Variants in ZNF527 observed in about 807,000 individuals in gnomAD.
The protein encoded by ZNF527 is zinc finger protein 527.
A neutral mutation model predicts 13.5 loss-of-function variants in ZNF527; 5 were observed. The observed-to-expected ratio is 0.37, with a 90% CI of 0.19 to 0.78. The LOEUF (loss-of-function observed/expected upper bound fraction) is 0.78, where lower values mean the gene tolerates loss of function less well. Among genes scored for constraint, ZNF527 ranks in the 30% least tolerant of loss-of-function variants. The pLI is 0.48. For synonymous variants in ZNF527, 209 were observed against 243.1 expected, an observed-to-expected ratio of 0.86 and a Z score of 1.30; for missense variants, 628 against 726.4, an observed-to-expected ratio of 0.86 and a Z score of 1.56.
chr19:37,386,058 T>C (rs1327623023), intron 4 of ZNF527, among the ~76,000 whole-genome samples: 1 of 151,686 alleles, frequency 6.6e-6, no homozygotes, highest in Non-Finnish European at 1.5e-5. Context: ...TGTTGTTTCC[T>C]CGTTTACCAT....
In ZNF527 at chr19:37,375,303, TTTC is replaced by T. The variant is rs1289375751; in HGVS notation, c.33+1075_33+1077del. 3.0e-3 allele frequency among the ~76,000 whole-genome samples: 316 copies of T among 104,502 alleles called. 1 individual carries two copies. Among genetic ancestry groups the T allele is most frequent in the African/African-American group, 4.4e-3 (93 of 20,976 alleles). 68.6% of individuals were successfully genotyped at this position (104,502 alleles called of 152,430 possible). A position where few individuals can be genotyped will look rare whatever the true frequency, so the allele number is the denominator to read the frequency against. On this transcript the variant is annotated intron_variant, in intron 2 of 4. Coordinates refer to ENST00000436120, the MANE Select transcript of ZNF527 (RefSeq NM_032453.2). ...CTTTCTTTCTTTCTTTCTTTCTTTC[TTTC>T]TTTCTTTTCTTTCTTTCTTTCTTTC...
rs4452075 is a variant in ZNF527 at position 37,388,687 on chromosome 19, A to G, written c.638A>G (p.His213Arg). 0.2 allele frequency: 315,597 copies of G among 1,611,120 alleles called. 36,821 individuals carry two copies. The highest frequency in any genetic ancestry group is 0.49 in the African/African-American group (36,210 of 74,654). The change falls in exon 5 of 5, where the codon CAT (histidine) becomes CGT (arginine). Residue 213 changes from histidine (H) to arginine (R), a missense_variant. This residue lies in a region of ZNF527 where 592 missense variants were observed against 678.0 expected (regional missense o/e 0.87). Coordinates refer to ENST00000436120, the MANE Select transcript of ZNF527 (RefSeq NM_032453.2). Reference protein sequence around the residue: ...NSVIIEYKRLHAEKESLIGNE... With the variant: ...NSVIIEYKRLRAEKESLIGNE... ...GTCATAATTGAATATAAAAGACTCC[A>G]TGCTGAGAAGGAATCTTTGATAGGT...
At position 37,389,118 on chromosome 19, in the gene ZNF527, C is replaced by T. The variant is rs1402025174; in HGVS notation, c.1069C>T (p.Pro357Ser). The T allele has an allele frequency of 1.2e-6, 2 of 1,614,054 alleles. No individual in the cohort carries two copies. Among genetic ancestry groups the T allele is most frequent in the African/African-American group, 2.7e-5 (2 of 74,916 alleles). The change falls in exon 5 of 5, where the codon CCG becomes TCG. Residue 357 changes from proline (P) to serine (S), a missense_variant. Coordinates refer to ENST00000436120, the MANE Select transcript of ZNF527 (RefSeq NM_032453.2). The stretch of plus-strand genomic sequence containing the variant: ...TCAGAGGATCCACACTGGAGAGAAA[C>T]CGTTTGCGTGCAATGAATGTGGGAA... ...QHQRIHTGEK[P>S]FACNECGKAF...
Position 37,388,503 on chromosome 19 carries a change from G to T in ZNF527, c.454G>T (p.Ala152Ser). The change falls in exon 5 of 5, where the codon GCT (alanine) becomes TCT (serine). Residue 152 changes from alanine to serine, a missense_variant. By Grantham distance (99) the Ala-to-Ser change is moderately conservative (BLOSUM62 1). This residue lies in a region of ZNF527 where 592 missense variants were observed against 678.0 expected (regional missense o/e 0.87). Coordinates refer to ENST00000436120, the MANE Select transcript of ZNF527 (RefSeq NM_032453.2). ...NAERHFMQVT[A>S]VKEISTGKRD... ...GGAGAGGCATTTCATGCAAGTGACA[G>T]CTGTTAAGGAAATCTCTACTGGGAA... 1 of 1,614,150 alleles carries T rather than the reference G, an allele frequency of 6.2e-7. No individual in the cohort carries two copies. The highest frequency in any genetic ancestry group is 8.5e-7 in the Non-Finnish European group (1 of 1,180,006).
chr19:37,392,295 G>A lies in ZNF527; in HGVS notation c.*2416G>A, dbSNP rs371846643. On this transcript the variant is annotated 3_prime_UTR_variant, in exon 5 of 5. Transcript: ENST00000436120. ...ACTGAGTAATAATTTATTTCAGAAA[G>A]TTTCAGAAGGTTACAGTAAACTTTA... The A allele has an allele frequency of 7.2e-5, 11 of 152,070 alleles. No individual in the cohort carries two copies. In the East Asian group the frequency reaches 7.7e-4, roughly 11 times the overall value. The allele number at this position is 152,070 out of a possible 1,614,324, so 9.4% of individuals were successfully genotyped here.
At position 37,389,996 on chromosome 19, in the gene ZNF527, T is replaced by A. The variant is rs1378430724; in HGVS notation, c.*117T>A. 1 of 1,339,222 alleles carries A rather than the reference T, an allele frequency of 7.5e-7. No individual in the cohort carries two copies. The highest frequency in any genetic ancestry group is 1.0e-6 in the Non-Finnish European group (1 of 997,028). The allele number at this position is 1,339,222 out of a possible 1,614,324, so 83.0% of individuals were successfully genotyped here. On this transcript the variant is annotated 3_prime_UTR_variant, in exon 5 of 5. Transcript: ENST00000436120. ...TAGTTCATATTTCAGTTCATGAGTA[T>A]CCGTTATTTGAAGTAGCTCAGTAGT...
chr19:37,372,375 T>C (rs1425250720), intron 1 of ZNF527, among the ~76,000 whole-genome samples: 2 of 151,644 alleles, frequency 1.3e-5, no homozygotes, highest in African/African-American at 4.8e-5. Context: ...TAGTGCAAAG[T>C]AGTCCAGAAT....
At position 37,389,985 on chromosome 19, in the gene ZNF527, G is replaced by A; in HGVS notation, c.*106G>A. On this transcript the variant is annotated 3_prime_UTR_variant, in exon 5 of 5. Transcript: ENST00000436120. The stretch of plus-strand genomic sequence containing the variant: ...TTCTTTGAATGTAGTTCATATTTCA[G>A]TTCATGAGTATCCGTTATTTGAAGT... The A allele has an allele frequency of 7.3e-7, 1 of 1,378,226 alleles. No homozygotes were observed. Among genetic ancestry groups the A allele is most frequent in the Non-Finnish European group, 9.7e-7 (1 of 1,031,650 alleles). The allele number at this position is 1,378,226 out of a possible 1,614,324, so 85.4% of individuals were successfully genotyped here.
chr19:37,378,541 C>G (rs532053775), intron 2 of ZNF527, among the ~76,000 whole-genome samples: 2 of 152,312 alleles, frequency 1.3e-5, no homozygotes, highest in East Asian at 3.9e-4. Flanking sequence ...ACAAATCTCT[C>G]TCCCTTCACT....
At chr19:37,386,533 A>T (rs2040701148) in intron 4 of ZNF527, among the ~76,000 whole-genome samples, 3 of 152,182 alleles carry the variant, frequency 2.0e-5, no homozygotes, top group Admixed American at 2.0e-4. Context: ...GAGTGCATAA[A>T]ATGTGGCTAG....
Position 37,389,369 on chromosome 19 carries a change from A to G in ZNF527, c.1320A>G (p.Lys440=), listed in dbSNP as rs1351103438. ...TLHQRIHTGE[K]PFKCSECGKT... is the part of the protein sequence containing the mutation. ...ATCAAAGAATTCACACAGGAGAGAAACCCTTCAAATGTAGTGAATGTGGGA... is the reference window on the plus strand; with the variant it reads ...ATCAAAGAATTCACACAGGAGAGAAGCCCTTCAAATGTAGTGAATGTGGGA... The change falls in exon 5 of 5, where the codon AAA becomes AAG. Residue 440 remains lysine (K), a synonymous_variant. Coordinates refer to ENST00000436120, the MANE Select transcript of ZNF527 (RefSeq NM_032453.2). 2 of 1,614,220 alleles carry G rather than the reference A, an allele frequency of 1.2e-6. No individual in the cohort carries two copies. The highest frequency in any genetic ancestry group is 1.7e-6 in the Non-Finnish European group (2 of 1,180,034).
In ZNF527 at chr19:37,391,787, A is replaced by T. The variant is rs774755072; in HGVS notation, c.*1908A>T. 1 of 152,104 alleles carries T rather than the reference A, an allele frequency of 6.6e-6. No homozygotes were observed. The highest frequency in any genetic ancestry group is 1.5e-5 in the Non-Finnish European group (1 of 68,014). The allele number at this position is 152,104 out of a possible 1,614,324, so 9.4% of individuals were successfully genotyped here. A position where few individuals can be genotyped will look rare whatever the true frequency, so the allele number is the denominator to read the frequency against. On this transcript the variant is annotated 3_prime_UTR_variant, in exon 5 of 5. Transcript: ENST00000436120. ...TTATTGGGAGTAATGAGGAAGATGAAGGTGTAGGGCAATACGTTTCTTTTT... is the reference window on the plus strand; with the variant it reads ...TTATTGGGAGTAATGAGGAAGATGATGGTGTAGGGCAATACGTTTCTTTTT...
intron 2 of ZNF527, among the ~76,000 whole-genome samples, chr19:37,375,311 T>TTTCTTTCTTTCTTTTCTTTCTTTCTTTC (rs760003304): frequency 1.3e-5 from 1 of 79,794 alleles, no homozygotes; most frequent in Admixed American, 1.4e-4. Context: ...TCTTTCTTTC[T>TTTCTTTCTTTCTTTTCTTTCTTTCTTTC]TTTCTTTCTT....
chr19:37,384,950 T>G (rs1269097298), intron 4 of ZNF527: 1 of 702,046 alleles, frequency 1.4e-6, no homozygotes, highest in Non-Finnish European at 2.6e-6. Flanking sequence ...TCAAGCAATC[T>G]TCTCACCTCA....
chr19:37,376,682 C>CAA (rs35179002), intron 2 of ZNF527, among the ~76,000 whole-genome samples: 558 of 47,596 alleles, frequency 0.012, 1 homozygote, highest in Non-Finnish European at 0.017. Flanking sequence ...ACTCCATCTC[C>CAA]AAAAAAAAAA....
chr19:37,373,914 C>T (rs532223834), intron 1 of ZNF527, among the ~76,000 whole-genome samples: 2 of 152,282 alleles, frequency 1.3e-5, no homozygotes, highest in East Asian at 1.9e-4. Flanking sequence ...CATGAACCAC[C>T]TTGTTGGCCG....
intron 1 of ZNF527, among the ~76,000 whole-genome samples, chr19:37,373,015 G>GGACT (rs2040571368): frequency 6.6e-6 from 1 of 152,180 alleles, no homozygotes; most frequent in African/African-American, 2.4e-5. Flanking sequence ...TCTCAAAAGA[G>GGACT]GACTGGTTTT....
intron 4 of ZNF527, among the ~76,000 whole-genome samples, chr19:37,386,131 CTTCTTTTCCTTTTTTTT>C (rs2040696435): frequency 1.7e-5 from 2 of 117,746 alleles, no homozygotes; most frequent in African/African-American, 7.0e-5. Context: ...TTTCTTTTCT[CTTCTTTTCCTTTTTTTT>C]TTTTTTTTTT....
Position 37,389,856 on chromosome 19 carries a change from A to C in ZNF527, c.1807A>C (p.Ile603Leu), listed in dbSNP as rs1403361316. Residue 603 changes from isoleucine to leucine, a missense_variant, in exon 5 of 5, where the codon ATT (isoleucine) becomes CTT (leucine). Ile to Leu is a conservative substitution (Grantham distance 5, BLOSUM62 2). Around this residue, in one of 3 missense-constraint regions of ZNF527, gnomAD observed 592 missense variants for 678.0 expected, o/e 0.87. Coordinates refer to ENST00000436120, the MANE Select transcript of ZNF527 (RefSeq NM_032453.2). ...CVSALRRHQR[I>L]HNRETL ...CTCAGCCCTTAGACGACATCAGAGAATTCATAATAGAGAAACGCTCTGATT... is the reference window on the plus strand; with the variant it reads ...CTCAGCCCTTAGACGACATCAGAGACTTCATAATAGAGAAACGCTCTGATT... 6.2e-7 allele frequency: 1 copy of C among 1,601,232 alleles called. No individual in the cohort carries two copies. Among genetic ancestry groups the C allele is most frequent in the Non-Finnish European group, 8.5e-7 (1 of 1,175,912 alleles).
Sources: gnomAD v4.1 joint callset for allele counts (sites outside exome capture counted in the v4.1 genomes callset) on GRCh38, gnomAD v4.1.1 for gene constraint, gnomAD v4.1.1 regional missense constraint, MANE v1.5 for transcripts, NCBI Gene and HGNC (gene_info 2026-07-23, HGNC 2026-07-21) for gene names.